Variants in KCNC2 observed in about 807,000 individuals in gnomAD.
KCNC2 encodes the protein voltage-gated potassium channel KCNC2.
In KCNC2, 21 loss-of-function variants were observed where a neutral mutation model predicts 44.5. The ratio of observed to expected loss-of-function variants is 0.47; its 90% CI spans 0.33 to 0.68. The LOEUF (loss-of-function observed/expected upper bound fraction) is 0.68. KCNC2 is among the 30% of genes least tolerant of loss of function. The probability of loss-of-function intolerance (pLI) is 0.01; values close to 1 mark genes in which losing one functional copy is unlikely to be tolerated. For missense variants in KCNC2, 589 were observed against 826.2 expected (o/e 0.71, Z 3.52); for synonymous variants, 391 against 339.1 (o/e 1.15, Z -1.68).
At chr12:75,190,327 C>A (rs976264516) in intron 2 of KCNC2, among the ~76,000 whole-genome samples, 6 of 152,052 alleles carry the variant, frequency 3.9e-5, no homozygotes, top group Non-Finnish European at 7.4e-5. Context: ...GACCTCTATC[C>A]CACTAATTTC....
intron 3 of KCNC2, among the ~76,000 whole-genome samples, chr12:75,048,716 A>G (rs1880830241): frequency 6.6e-6 from 1 of 152,122 alleles, no homozygotes; most frequent in Admixed American, 6.6e-5. Flanking sequence ...TCTTAAGTAA[A>G]CTTTGGCTTT....
At chr12:75,203,082 A>C (rs2031418670) in intron 2 of KCNC2, among the ~76,000 whole-genome samples, 1 of 151,786 alleles carries the variant, frequency 6.6e-6, no homozygotes, top group Non-Finnish European at 1.5e-5. Flanking sequence ...TTAGCCATTA[A>C]TTCTTTTAAT....
At chr12:75,146,533 T>G (rs1309929675) in intron 2 of KCNC2, among the ~76,000 whole-genome samples, 1 of 152,240 alleles carries the variant, frequency 6.6e-6, no homozygotes, top group Non-Finnish European at 1.5e-5. Flanking sequence ...AAACCACACT[T>G]TATTTCTTTA....
intron 2 of KCNC2, among the ~76,000 whole-genome samples, chr12:75,131,480 T>C (rs115348076): frequency 0.023 from 3,448 of 152,184 alleles, 134 homozygotes; most frequent in African/African-American, 0.078. Flanking sequence ...AAAAGGGATT[T>C]TGCAAATATA....
chr12:75,183,275 C>T (rs1892724201), intron 2 of KCNC2, among the ~76,000 whole-genome samples: 1 of 152,178 alleles, frequency 6.6e-6, no homozygotes. Context: ...CACAAAGAGA[C>T]TCCCCATGCA....
intron 2 of KCNC2, among the ~76,000 whole-genome samples, chr12:75,058,726 C>T (rs931376125): frequency 6.6e-6 from 1 of 151,956 alleles, no homozygotes; most frequent in African/African-American, 2.4e-5. Context: ...TCCCCAAAAC[C>T]TCAGTCTCAA....
chr12:75,131,125 T>C (rs977690831), intron 2 of KCNC2, among the ~76,000 whole-genome samples: 1 of 152,118 alleles, frequency 6.6e-6, no homozygotes, highest in Non-Finnish European at 1.5e-5. Flanking sequence ...CTGTAACACG[T>C]CAGCGAAAAT....
chr12:75,132,591 T>C (rs1358613599), intron 2 of KCNC2, among the ~76,000 whole-genome samples: 2 of 152,122 alleles, frequency 1.3e-5, no homozygotes, highest in Admixed American at 6.6e-5. Flanking sequence ...TTGGCAAAAT[T>C]GCAACTTTTG....
At chr12:75,055,536 G>T (rs1237088113) in intron 2 of KCNC2, among the ~76,000 whole-genome samples, 1 of 152,022 alleles carries the variant, frequency 6.6e-6, no homozygotes, top group Non-Finnish European at 1.5e-5. Context: ...TAGGCATGCT[G>T]AATAATTGAA....
At chr12:75,121,444 A>T (rs1302931531) in intron 2 of KCNC2, among the ~76,000 whole-genome samples, 1 of 152,228 alleles carries the variant, frequency 6.6e-6, no homozygotes, top group Non-Finnish European at 1.5e-5. Context: ...TAAACAAGTA[A>T]TCACACACAT....
chr12:75,154,797 A>G (rs972595793), intron 2 of KCNC2, among the ~76,000 whole-genome samples: 1 of 152,048 alleles, frequency 6.6e-6, no homozygotes, highest in Non-Finnish European at 1.5e-5. Flanking sequence ...CTGGTGCTAT[A>G]AAACTAAATA....
intron 2 of KCNC2, among the ~76,000 whole-genome samples, chr12:75,205,439 A>G (rs543748245): frequency 6.6e-6 from 1 of 152,300 alleles, no homozygotes; most frequent in African/African-American, 2.4e-5. Context: ...CAAGAGTATT[A>G]TAAAGAAATA....
intron 2 of KCNC2, among the ~76,000 whole-genome samples, chr12:75,190,252 C>A (rs1010653302): frequency 2.6e-5 from 4 of 152,168 alleles, no homozygotes; most frequent in African/African-American, 9.7e-5. Flanking sequence ...CTCCCAGTAG[C>A]CCTCTACCTC....
rs760753106 is a variant in KCNC2 at position 75,041,180 on chromosome 12, A to G, written c.*1925T>C. 3.1e-6 allele frequency: 5 copies of G among 1,596,398 alleles called. No homozygotes were observed. The South Asian group carries it at 4.4e-5, about 14-fold the overall frequency. On this transcript the variant is annotated 3_prime_UTR_variant, in exon 5 of 5. Coordinates refer to ENST00000549446, the MANE Select transcript of KCNC2 (RefSeq NM_139137.4). The stretch of plus-strand genomic sequence containing the variant: ...TCCACTGTCCCTTTCTCAGCAGTCA[A>G]TAATCCATGATAAATTCTGTACAAC...
At chr12:75,101,857 T>C (rs1381051552) in intron 2 of KCNC2, among the ~76,000 whole-genome samples, 2 of 152,032 alleles carry the variant, frequency 1.3e-5, no homozygotes, top group Non-Finnish European at 2.9e-5. Flanking sequence ...TGCTAGAAAA[T>C]GAGATTTCAT....
intron 2 of KCNC2, among the ~76,000 whole-genome samples, chr12:75,102,582 A>G (rs1304651767): frequency 6.6e-6 from 1 of 152,124 alleles, no homozygotes; most frequent in Non-Finnish European, 1.5e-5. Context: ...TTTATTGCCA[A>G]TGGCCAAAGG....
intron 2 of KCNC2, among the ~76,000 whole-genome samples, chr12:75,097,365 A>G (rs1426120685): frequency 6.6e-6 from 1 of 152,162 alleles, no homozygotes; most frequent in African/African-American, 2.4e-5. Context: ...CATAGAATGT[A>G]CAGCACCAAG....
intron 2 of KCNC2, among the ~76,000 whole-genome samples, chr12:75,120,855 C>A (rs1887998909): frequency 6.6e-6 from 1 of 152,140 alleles, no homozygotes; most frequent in Non-Finnish European, 1.5e-5. Context: ...TTTTCCATTG[C>A]AATACTTTTT....
intron 2 of KCNC2, among the ~76,000 whole-genome samples, chr12:75,195,874 G>A (rs2030719191): frequency 6.6e-6 from 1 of 152,084 alleles, no homozygotes; most frequent in Admixed American, 6.6e-5. Context: ...AGCATTCCCA[G>A]CCAACCTCAG....
Sources: allele counts gnomAD v4.1 joint callset (sites outside exome capture counted in the v4.1 genomes callset), GRCh38; gene constraint gnomAD v4.1.1; transcripts MANE v1.5; gene names NCBI Gene and HGNC (gene_info 2026-07-23, HGNC 2026-07-21).